The following SIGLEC12 variants were observed in gnomAD, a reference collection of about 807,000 sequenced individuals.
SIGLEC12 encodes the protein sialic acid-binding Ig-like lectin 12.
Under a neutral mutation model 54.1 loss-of-function variants are expected in SIGLEC12, and 43 were observed. That is an observed-to-expected ratio of 0.80 (90% CI 0.62 to 1.03). The LOEUF (loss-of-function observed/expected upper bound fraction) is 1.03. Among genes scored for constraint, SIGLEC12 ranks in the 50% least tolerant of loss-of-function variants. The pLI, the probability that SIGLEC12 is intolerant of heterozygous loss-of-function variation, is 0.00. For synonymous variants in SIGLEC12, 357 were observed against 307.6 expected (o/e 1.16, Z -1.68); for missense variants, 802 against 735.2 (o/e 1.09, Z -1.05).
intron 2 of SIGLEC12, 87 bp from the exon 3 acceptor site, chr19:51,499,803 C>T (rs1990343201): frequency 4.5e-6 from 7 of 1,563,812 alleles, no homozygotes; most frequent in Non-Finnish European, 6.1e-6. Context: ...TCTTACTCCT[C>T]CCCTGAGCCA....
At chr19:51,495,206 C>T (rs867615913) in intron 7 of SIGLEC12, among the ~76,000 whole-genome samples, 58 of 36,450 alleles carry the variant, frequency 1.6e-3, no homozygotes, top group African/African-American at 4.1e-3. Context: ...GATGGACGGA[C>T]GGGTGGGTGG....
chr19:51,493,647 T>C (rs1200447614), intron 7 of SIGLEC12, among the ~76,000 whole-genome samples: 1 of 152,214 alleles, frequency 6.6e-6, no homozygotes, highest in East Asian at 1.9e-4. Context: ...GAAGTCTTCT[T>C]GCTCCCTCTC....
chr19:51,498,345 G>A, intron 4 of SIGLEC12, 58 bp from the exon 5 acceptor site: 1 of 1,456,692 alleles, frequency 6.9e-7, no homozygotes, highest in South Asian at 1.3e-5. Flanking sequence ...CAGGGAGGAA[G>A]GATACAGAAA....
rs1455143396 is a variant in SIGLEC12, at chr19:51,491,783, G to A, written c.1646C>T (p.Ala549Val). 2 of 1,604,606 alleles carry A rather than the reference G, an allele frequency of 1.2e-6. No homozygotes were observed. Among genetic ancestry groups the A allele is most frequent in the East Asian group, 2.2e-5 (1 of 44,730 alleles). ...SPADDSPPHH[A>V]PPALATPSPE... ...GGAGGGGGTGGCCAGGGCTGGCGGA[G>A]CATGGTGTGGGGGGCTGTCATCTGC... Residue 549 changes from alanine to valine, a missense_variant, in exon 8 of 8, where the codon GCT becomes GTT. Transcript: ENST00000291707.
chr19:51,499,690 TG>T lies in SIGLEC12; in HGVS notation c.834del (p.Ile279SerfsTer13). ...TGGCCAGACTCCAGGGTCCCCGGGA[TG>T]GAGAAGGTGGGCATGTGAGTCAGGG... ...VTALTHMPTFSIPGTLESGHP... is the reference protein window; with the variant it reads ...VTALTHMPTFXIPGTLESGHP... On this transcript the variant is annotated frameshift_variant, in exon 3 of 8. Transcript: ENST00000291707. LOFTEE classifies it high-confidence loss of function. 6.2e-7 allele frequency: 1 copy of T among 1,613,962 alleles called. No individual in the cohort carries two copies. Among genetic ancestry groups the T allele is most frequent in the Non-Finnish European group, 8.5e-7 (1 of 1,179,960 alleles).
Position 51,498,252 on chromosome 19 carries a change from C to G in SIGLEC12, c.1171G>C (p.Val391Leu), listed in dbSNP as rs760073371. 19 of 1,612,628 alleles carry G rather than the reference C, an allele frequency of 1.2e-5. No homozygotes were observed. The East Asian group carries it at 3.3e-4, about 28-fold the overall frequency. The change falls in exon 5 of 8, where the codon GTC becomes CTC. Residue 391 changes from valine to leucine, a missense_variant. Transcript: ENST00000291707. ...AGGTGCAGGGACTGGCCCTCCAGGACTGAAAGGGCCGAGCCATTCCTCAAG... is the reference window on the plus strand; with the variant it reads ...AGGTGCAGGGACTGGCCCTCCAGGAGTGAAAGGGCCGAGCCATTCCTCAAG... Reference protein sequence around the residue: ...TTLRNGSALSVLEGQSLHLVC... With the variant: ...TTLRNGSALSLLEGQSLHLVC...
At chr19:51,499,024 G>A in intron 4 of SIGLEC12, 146 bp downstream of exon 4, 1 of 717,434 alleles carries the variant, frequency 1.4e-6, no homozygotes, top group Admixed American at 2.3e-5. Flanking sequence ...ATGAGAAGGT[G>A]CTCAGGTGGC....
chr19:51,498,168 T>A lies in SIGLEC12; in HGVS notation c.1255A>T (p.Thr419Ser), dbSNP rs751810194. The change falls in exon 5 of 8, where the codon ACC becomes TCC. Residue 419 changes from threonine (T) to serine (S), a missense_variant. Transcript: ENST00000291707. ...TTCGAGGACTGTGAGGGGCTCAGGG[T>A]CAGGCTCCCCCAGGTCCAGCTCAGC... is the stretch of plus-strand genomic sequence containing the variant. ...ARLSWTWGSL[T>S]LSPSQSSNLG... The A allele has an allele frequency of 6.8e-5, 109 of 1,614,014 alleles. No homozygotes were observed. Among genetic ancestry groups the A allele is most frequent in the Non-Finnish European group, 8.5e-5 (100 of 1,180,034 alleles).
At chr19:51,497,769 G>A (rs1990280254) in intron 5 of SIGLEC12, among the ~76,000 whole-genome samples, 1 of 152,230 alleles carries the variant, frequency 6.6e-6, no homozygotes, top group Non-Finnish European at 1.5e-5. Flanking sequence ...TGTGCCCAAA[G>A]TGAGTGCCTC....
In SIGLEC12 at chr19:51,499,097, C is replaced by T. The variant is rs115077666; in HGVS notation, c.1135+73G>A. On this transcript the variant is annotated intron_variant, in intron 4 of 7. Coordinates refer to ENST00000291707, the MANE Select transcript of SIGLEC12 (RefSeq NM_053003.4). Reference sequence around the variant, plus strand: ...CACCCACAAAAGGGTCTCAGGTCACCAGGGTGAGTCCTGGCTCTCCCCTGA... The same window carrying T: ...CACCCACAAAAGGGTCTCAGGTCACTAGGGTGAGTCCTGGCTCTCCCCTGA... 1,624 of 1,534,116 alleles carry T rather than the reference C, an allele frequency of 1.1e-3. 14 individuals are homozygous for T. The African/African-American group carries it at 0.017, about 16-fold the overall frequency.
Position 51,499,620 on chromosome 19 carries a change from C to A in SIGLEC12, c.905G>T (p.Gly302Val), listed in dbSNP as rs749893147. 108 of 1,613,616 alleles carry A rather than the reference C, an allele frequency of 6.7e-5. No individual in the cohort carries two copies. The Admixed American group carries it at 1.8e-3, about 26-fold the overall frequency. Residue 302 changes from glycine to valine, a missense_variant, in exon 3 of 8, where the codon GGG (glycine) becomes GTG (valine). By Grantham distance (109) the Gly-to-Val change is moderately radical. Transcript: ENST00000291707. ...TCSVPWACEQ[G>V]TPPTITWMGA... ...CATCCAGGTGATCGTGGGGGGCGTCCCCTGTTCACAGGCCCAGGGCACAGA... is the reference window on the plus strand; with the variant it reads ...CATCCAGGTGATCGTGGGGGGCGTCACCTGTTCACAGGCCCAGGGCACAGA...
At position 51,497,381 on chromosome 19, in the gene SIGLEC12, C is replaced by A. The variant is rs761559429; in HGVS notation, c.1470G>T (p.Leu490=). The change falls in exon 6 of 8, where the codon CTG becomes CTT. Residue 490 remains leucine, a synonymous_variant. Transcript: ENST00000291707. The part of the protein sequence containing the change: ...GAFGGAGATA[L]VFLYFCIIFV... ...AGATGATGCAGAAGTACAGGAAGAC[C>A]AGGGCTGTGGCTCCAGCTCCCCCGA... 5 of 1,613,254 alleles carry A rather than the reference C, an allele frequency of 3.1e-6. No individual in the cohort carries two copies. Among genetic ancestry groups the A allele is most frequent in the Non-Finnish European group, 4.2e-6 (5 of 1,179,336 alleles).
At chr19:51,495,347 GGATGGACA>G (rs1373192880) in intron 7 of SIGLEC12, among the ~76,000 whole-genome samples, 3,183 of 99,124 alleles carry the variant, frequency 0.032, 324 homozygotes, top group Middle Eastern at 0.05. Context: ...ATGGATGGAT[GGATGGACA>G]GACGGGTGGG....
rs866310476 is a variant in SIGLEC12, at chr19:51,498,259, G to A, written c.1164C>T (p.Ala388=). ...TASTTLRNGS[A]LSVLEGQSLH... The stretch of plus-strand genomic sequence containing the variant: ...GGGACTGGCCCTCCAGGACTGAAAG[G>A]GCCGAGCCATTCCTCAAGGTTGTGG... The change falls in exon 5 of 8, where the codon GCC becomes GCT. Residue 388 remains alanine, a synonymous_variant. Coordinates refer to ENST00000291707, the MANE Select transcript of SIGLEC12 (RefSeq NM_053003.4). 6.2e-7 allele frequency: 1 copy of A among 1,611,536 alleles called. No individual in the cohort carries two copies. Among genetic ancestry groups the A allele is most frequent in the Non-Finnish European group, 8.5e-7 (1 of 1,178,330 alleles).
chr19:51,500,623 C>T (rs574587232), intron 1 of SIGLEC12, among the ~76,000 whole-genome samples: 9 of 152,254 alleles, frequency 5.9e-5, no homozygotes, highest in South Asian at 2.1e-4. Context: ...CTCCTACCTC[C>T]GGGCTTCCCT....
In SIGLEC12 at chr19:51,500,059, A is replaced by C. The variant is rs1207557165; in HGVS notation, c.669T>G (p.Leu223=). The change falls in exon 2 of 8, where the codon CTT becomes CTG. Residue 223 remains leucine (L), a synonymous_variant. Transcript: ENST00000291707. ...QEDTHGRFLL[L]GDPQTNNCSL... is the part of the protein sequence containing the mutation. Reference sequence around the variant, plus strand: ...AGCAGTTGTTGGTCTGTGGGTCCCCAAGGAGGAGGAATCGACCGTGGGTAT... The same window carrying C: ...AGCAGTTGTTGGTCTGTGGGTCCCCCAGGAGGAGGAATCGACCGTGGGTAT... 2.5e-6 allele frequency: 4 copies of C among 1,613,966 alleles called. No individual in the cohort carries two copies. The highest frequency in any genetic ancestry group is 2.2e-5 in the East Asian group (1 of 44,880).
In SIGLEC12 at chr19:51,497,054, T is replaced by A. The variant is rs538573691; in HGVS notation, c.1503-78A>T. ...GGCAGACCAACCCCTGCCCTGTATT[T>A]CCTATTGGGGAGCTGGAGGGGTAAC... On this transcript the variant is annotated intron_variant, in intron 6 of 7. Transcript: ENST00000291707. 362 of 1,609,040 alleles carry A rather than the reference T, an allele frequency of 2.2e-4. No individual in the cohort carries two copies. In the African/African-American group the frequency reaches 4.5e-3, roughly 20 times the overall value.
At chr19:51,493,815 T>C (rs1311514297) in intron 7 of SIGLEC12, among the ~76,000 whole-genome samples, 1 of 152,220 alleles carries the variant, frequency 6.6e-6, no homozygotes, top group Non-Finnish European at 1.5e-5. Context: ...CTATCTTCTC[T>C]GCTCTGTCTT....
At chr19:51,495,202 CGGACGGGTGGGTGGGTGGAT>C (rs1990195670) in intron 7 of SIGLEC12, among the ~76,000 whole-genome samples, 1 of 28,434 alleles carries the variant, frequency 3.5e-5, no homozygotes, top group Non-Finnish European at 7.2e-5. Context: ...GATGGATGGA[CGGACGGGTGGGTGGGTGGAT>C]GGATGGATGG....
Sources: gnomAD v4.1 joint callset for allele counts (sites outside exome capture counted in the v4.1 genomes callset) on GRCh38, gnomAD v4.1.1 for gene constraint, MANE v1.5 for transcripts, NCBI Gene and HGNC (gene_info 2026-07-23, HGNC 2026-07-21) for gene names.